Variants in IL2RB observed in about 807,000 individuals in gnomAD.
IL2RB encodes interleukin-2 receptor subunit beta.
A neutral mutation model predicts 44.2 loss-of-function variants in IL2RB; 17 were observed. That is an observed-to-expected ratio of 0.38 (90% confidence interval 0.26 to 0.58). The LOEUF (loss-of-function observed/expected upper bound fraction) is 0.58. Among genes scored for constraint, IL2RB ranks in the 20% least tolerant of loss-of-function variants. IL2RB has a pLI of 0.63. For missense variants in IL2RB, 624 were observed against 685.5 expected, an observed-to-expected ratio of 0.91 and a Z score of 1.00; for synonymous variants, 286 against 297.9, an observed-to-expected ratio of 0.96 and a Z score of 0.41.
chr22:37,152,115 A>G (rs968012571), upstream of IL2RB, among the ~76,000 whole-genome samples: 8 of 152,328 alleles, frequency 5.3e-5, no homozygotes, highest in African/African-American at 1.9e-4. Context: ...GAATGTCATT[A>G]GTATTTTGAT....
intron 1 of IL2RB, among the ~76,000 whole-genome samples, chr22:37,163,274 G>A (rs2145738141): frequency 1.3e-5 from 2 of 152,240 alleles, no homozygotes; most frequent in Non-Finnish European, 2.9e-5. Context: ...CCCCTTTGAG[G>A]CACCAACCTC....
chr22:37,137,896 ATCACCTCTT>A (rs1921788435), intron 5 of IL2RB, among the ~76,000 whole-genome samples, 161 bp from the exon 6 acceptor site: 1 of 151,042 alleles, frequency 6.6e-6, no homozygotes, highest in Admixed American at 6.6e-5. Context: ...TCTCTCAATG[ATCACCTCTT>A]GAGAGAAGCC....
At position 37,135,396 on chromosome 22, in the gene IL2RB, G is replaced by T; in HGVS notation, c.750C>A (p.Gly250=). 6.2e-7 allele frequency: 1 copy of T among 1,613,562 alleles called. No individual in the cohort carries two copies. The highest frequency in any genetic ancestry group is 8.5e-7 in the Non-Finnish European group (1 of 1,179,744). Residue 250 remains glycine (G), a synonymous_variant, in exon 8 of 10, where the codon GGC becomes GGA. Transcript: ENST00000216223. Reference sequence around the variant, plus strand: ...TGATGAAGCCAAAAGCCCCGCTGAGGCCCACGAGGAGGTGGCCGAGCCACG... The same window carrying T: ...TGATGAAGCCAAAAGCCCCGCTGAGTCCCACGAGGAGGTGGCCGAGCCACG... ...TIPWLGHLLV[G]LSGAFGFIIL... is the part of the protein sequence containing the mutation.
At chr22:37,153,265 G>C (rs1440123572), upstream of IL2RB, among the ~76,000 whole-genome samples, 3 of 152,032 alleles carry the variant, frequency 2.0e-5, no homozygotes, top group East Asian at 5.8e-4. Context: ...AGAGAGAGAA[G>C]AGCAGAGACG....
intron 1 of IL2RB, among the ~76,000 whole-genome samples, chr22:37,160,679 C>CAAAAAAAAAA (rs10605445): frequency 5.9e-5 from 8 of 136,004 alleles, no homozygotes; most frequent in African/African-American, 2.3e-4. Flanking sequence ...CTGTCTATGC[C>CAAAAAAAAAA]AAAAAAAAAA....
At chr22:37,146,813 G>A (rs559919608) in intron 1 of IL2RB, among the ~76,000 whole-genome samples, 118 of 149,010 alleles carry the variant, frequency 7.9e-4, no homozygotes, top group Non-Finnish European at 1.4e-3. Flanking sequence ...GCCTCAGTAC[G>A]GCAAAAAAAA....
At chr22:37,158,640 T>C (rs186573619) in intron 1 of IL2RB, among the ~76,000 whole-genome samples, 39 of 152,242 alleles carry the variant, frequency 2.6e-4, no homozygotes, top group African/African-American at 9.1e-4. Flanking sequence ...AAAACGAAGT[T>C]CAGAATACAC....
chr22:37,138,943 G>A (rs1362126166), intron 5 of IL2RB, 174 bp downstream of exon 5: 1 of 584,760 alleles, frequency 1.7e-6, no homozygotes, highest in Admixed American at 2.9e-5. Flanking sequence ...GAGCGGCCTT[G>A]AATGCCAGAG....
chr22:37,146,201 C>T (rs1433400555), intron 1 of IL2RB, among the ~76,000 whole-genome samples: 1 of 152,178 alleles, frequency 6.6e-6, no homozygotes, highest in South Asian at 2.1e-4. Flanking sequence ...ACCAGGCCAG[C>T]CTCGTGCCGT....
At chr22:37,146,969 G>C (rs1023210357) in intron 1 of IL2RB, among the ~76,000 whole-genome samples, 1 of 152,166 alleles carries the variant, frequency 6.6e-6, no homozygotes, top group Non-Finnish European at 1.5e-5. Flanking sequence ...AGAGGCCCAC[G>C]CACTGTCAAA....
chr22:37,138,070 G>T (rs778736826), intron 5 of IL2RB, among the ~76,000 whole-genome samples: 17 of 152,206 alleles, frequency 1.1e-4, no homozygotes, highest in Admixed American at 1.1e-3. Context: ...GCAGGGACTT[G>T]GTTGTCTGCT....
chr22:37,145,717 G>A (rs907945527), intron 1 of IL2RB, among the ~76,000 whole-genome samples: 5 of 152,070 alleles, frequency 3.3e-5, no homozygotes, highest in African/African-American at 1.2e-4. Context: ...TCAGTCAGAG[G>A]GGCAGGGGGA....
chr22:37,128,703 C>A lies in IL2RB; in HGVS notation c.1049G>T (p.Ser350Ile). 6.2e-7 allele frequency: 1 copy of A among 1,614,156 alleles called. No homozygotes were observed. The highest frequency in any genetic ancestry group is 1.3e-5 in the African/African-American group (1 of 75,044). The change falls in exon 10 of 10, where the codon AGC becomes ATC. Residue 350 changes from serine (S) to isoleucine (I), a missense_variant. Physicochemically the swap from Ser to Ile is moderately radical, Grantham distance 142. This residue lies in a region of IL2RB where 291 missense variants were observed against 275.5 expected (regional missense o/e 1.06). Coordinates refer to ENST00000216223, the MANE Select transcript of IL2RB (RefSeq NM_000878.5). This position sits in a 1 kb window ranked among gnomAD's most constrained non-coding sequence, Gnocchi z 4.5. ...GCAGCTGGTCAGCGAGTGGTTGCTG[C>A]TTAAGGATGCGGGCTCAGGCACCTT... ...QDKVPEPASL[S>I]SNHSLTSCFT...
intron 1 of IL2RB, among the ~76,000 whole-genome samples, chr22:37,156,520 T>C (rs982263277): frequency 6.6e-6 from 1 of 152,068 alleles, no homozygotes; most frequent in Non-Finnish European, 1.5e-5. Context: ...CCTTCTCCCA[T>C]CTCCTCATAG....
intron 2 of IL2RB, 62 bp from the exon 3 acceptor site, chr22:37,143,697 C>T (rs1195962624): frequency 2.6e-5 from 30 of 1,165,424 alleles, no homozygotes; most frequent in Admixed American, 2.2e-4. Context: ...CCAAGACACG[C>T]CCACTGCCCC....
At chr22:37,143,413 C>T in intron 3 of IL2RB, 108 bp downstream of exon 3, 1 of 709,102 alleles carries the variant, frequency 1.4e-6, no homozygotes, top group South Asian at 1.8e-5. Flanking sequence ...CTGTGGGTCC[C>T]ATTAGTCCAA....
At position 37,141,144 on chromosome 22, in the gene IL2RB, C is replaced by T. The variant is rs1921949853; in HGVS notation, c.282+1290G>A. On this transcript the variant is annotated intron_variant, in intron 4 of 9. Transcript: ENST00000216223. This position sits in a 1 kb window ranked among gnomAD's most constrained non-coding sequence, Gnocchi z 4.4. The stretch of plus-strand genomic sequence containing the variant: ...TCCTGGTGCTGTTGGGGGCTGGGAT[C>T]AGGCAAGAGCCCCGCTCTCCTGGGC... Among the ~76,000 whole-genome samples, 1 of 151,880 alleles carries T rather than the reference C, an allele frequency of 6.6e-6. No individual in the cohort carries two copies. The highest frequency in any genetic ancestry group is 2.4e-5 in the African/African-American group (1 of 41,360).
chr22:37,146,307 C>T (rs1462137063), intron 1 of IL2RB, among the ~76,000 whole-genome samples: 1 of 152,210 alleles, frequency 6.6e-6, no homozygotes, highest in African/African-American at 2.4e-5. Context: ...CAGGAACCTG[C>T]AGTGGCCCTG....
intron 1 of IL2RB, among the ~76,000 whole-genome samples, chr22:37,155,690 A>G (rs1415711384): frequency 6.6e-6 from 1 of 152,246 alleles, no homozygotes; most frequent in Non-Finnish European, 1.5e-5. Flanking sequence ...CTCTGATGGC[A>G]GAGCCCTGAC....
Sources: gnomAD v4.1 joint callset for allele counts (sites outside exome capture counted in the v4.1 genomes callset) on GRCh38, gnomAD v4.1.1 for gene constraint, gnomAD v4.1.1 regional missense constraint, Gnocchi (gnomAD v3.1) non-coding constraint, MANE v1.5 for transcripts, NCBI Gene and HGNC (gene_info 2026-07-23, HGNC 2026-07-21) for gene names.